ARHGAP21: variants seen among roughly 807,000 people sequenced by gnomAD.
The protein encoded by ARHGAP21 is Rho GTPase activating protein 21.
Under a neutral mutation model 164.6 loss-of-function variants are expected in ARHGAP21, and 38 were observed. The observed-to-expected ratio is 0.23, with a 90% CI of 0.18 to 0.30. The LOEUF (loss-of-function observed/expected upper bound fraction) is 0.30. Ranked by LOEUF, ARHGAP21 falls within the 10% of genes least tolerant of loss-of-function variation. The pLI, the probability that ARHGAP21 is intolerant of heterozygous loss-of-function variation, is 1.00. For synonymous variants in ARHGAP21, 766 were observed against 857.9 expected (o/e 0.89, Z 1.87); for missense variants, 1,822 against 2,370.7 (o/e 0.77, Z 4.81).
At chr10:24,677,809 T>A in intron 2 of ARHGAP21, among the ~76,000 whole-genome samples, 1 of 152,212 alleles carries the variant, frequency 6.6e-6, no homozygotes, top group African/African-American at 2.4e-5. Flanking sequence ...TCTTCCTTCA[T>A]TCAATCAATA....
chr10:24,609,145 C>G (rs926460372), intron 9 of ARHGAP21, among the ~76,000 whole-genome samples: 1 of 152,176 alleles, frequency 6.6e-6, no homozygotes, highest in Admixed American at 6.6e-5. Flanking sequence ...GTATCTGACT[C>G]ATGCAGTATG....
At chr10:24,652,915 T>C in intron 4 of ARHGAP21, among the ~76,000 whole-genome samples, 1 of 152,150 alleles carries the variant, frequency 6.6e-6, no homozygotes, top group Admixed American at 6.5e-5. Flanking sequence ...TAGATATACA[T>C]ACCCTCTAGA....
At chr10:24,685,786 G>A (rs186535589) in intron 2 of ARHGAP21, among the ~76,000 whole-genome samples, 1 of 152,188 alleles carries the variant, frequency 6.6e-6, no homozygotes, top group Admixed American at 6.5e-5. Context: ...TGAGGCAGGA[G>A]AATCGCTTGA....
chr10:24,699,346 G>A (rs1843442819), intron 2 of ARHGAP21, among the ~76,000 whole-genome samples: 1 of 151,522 alleles, frequency 6.6e-6, no homozygotes, highest in Admixed American at 6.6e-5. Context: ...ATTTTTTTGA[G>A]ATGGAGTCTC....
chr10:24,678,107 A>G (rs896725829), intron 2 of ARHGAP21, among the ~76,000 whole-genome samples: 1 of 149,276 alleles, frequency 6.7e-6, no homozygotes, highest in Non-Finnish European at 1.5e-5. Context: ...CACAAAAAGG[A>G]AAAAAAAAAG....
intron 20 of ARHGAP21, 37 bp downstream of exon 20, chr10:24,595,080 T>A: frequency 6.2e-7 from 1 of 1,607,160 alleles, no homozygotes; most frequent in Non-Finnish European, 8.5e-7. Flanking sequence ...GAGGCTGAAT[T>A]TTAGTTGTAT....
At chr10:24,650,059 G>C (rs1316700944) in intron 4 of ARHGAP21, among the ~76,000 whole-genome samples, 1 of 152,078 alleles carries the variant, frequency 6.6e-6, no homozygotes, top group Non-Finnish European at 1.5e-5. Context: ...AGAAAAACTA[G>C]AGAATTTAGT....
At chr10:24,660,502 T>C (rs1839570027) in intron 4 of ARHGAP21, among the ~76,000 whole-genome samples, 1 of 149,736 alleles carries the variant, frequency 6.7e-6, no homozygotes, top group Non-Finnish European at 1.5e-5. Flanking sequence ...ATTCTAAACA[T>C]GCTTCTGATA....
intron 2 of ARHGAP21, among the ~76,000 whole-genome samples, chr10:24,676,837 A>G (rs1841299026): frequency 6.6e-6 from 1 of 152,192 alleles, no homozygotes; most frequent in South Asian, 2.1e-4. Flanking sequence ...GAATAAATGC[A>G]CTTCTCCTAA....
intron 4 of ARHGAP21, among the ~76,000 whole-genome samples, chr10:24,660,886 A>G (rs1428704867): frequency 6.6e-6 from 1 of 152,098 alleles, no homozygotes; most frequent in Non-Finnish European, 1.5e-5. Context: ...GCTCATCAGT[A>G]TACCACAGGA....
At chr10:24,626,604 C>T (rs1835166812) in intron 7 of ARHGAP21, among the ~76,000 whole-genome samples, 1 of 152,118 alleles carries the variant, frequency 6.6e-6, no homozygotes, top group African/African-American at 2.4e-5. Context: ...TATAGGCCAT[C>T]CAGTCTAAGG....
chr10:24,631,097 G>A (rs560228570), intron 6 of ARHGAP21, among the ~76,000 whole-genome samples: 1 of 152,276 alleles, frequency 6.6e-6, no homozygotes, highest in East Asian at 1.9e-4. Flanking sequence ...ATATGGCAAA[G>A]GTGCCGGGCG....
Position 24,628,852 on chromosome 10 carries a change from T to C in ARHGAP21, c.495+1144A>G, listed in dbSNP as rs569975357. ...ATATATGTACATATATACACATACA[T>C]ATATATACACATATATACATACATA... On this transcript the variant is annotated intron_variant, in intron 7 of 25. Transcript: ENST00000396432. Among the ~76,000 whole-genome samples the C allele has an allele frequency of 1.3e-3, 172 of 135,730 alleles. 1 individual carries two copies. The highest frequency in any genetic ancestry group is 1.0e-3 in the Non-Finnish European group (65 of 64,750). The allele number at this position is 135,730 out of a possible 152,430, so 89.0% of individuals were successfully genotyped here. A position where few individuals can be genotyped will look rare whatever the true frequency, so the allele number is the denominator to read the frequency against.
At chr10:24,700,800 C>T (rs953815550) in intron 2 of ARHGAP21, among the ~76,000 whole-genome samples, 1 of 152,202 alleles carries the variant, frequency 6.6e-6, no homozygotes, top group Non-Finnish European at 1.5e-5. Flanking sequence ...TAACCTTTAA[C>T]TCTCTTTTGG....
chr10:24,658,134 C>T (rs1839270047), intron 4 of ARHGAP21, among the ~76,000 whole-genome samples: 1 of 151,796 alleles, frequency 6.6e-6, no homozygotes, highest in Non-Finnish European at 1.5e-5. Context: ...GATACCATCT[C>T]ACACCAGTTA....
chr10:24,656,065 C>T (rs74692551), intron 4 of ARHGAP21, among the ~76,000 whole-genome samples: 1 of 148,234 alleles, frequency 6.7e-6, no homozygotes, highest in African/African-American at 2.6e-5. Context: ...CGGCAGCTGC[C>T]CCGTCTAAGA....
At chr10:24,709,912 G>C (rs11594932) in intron 2 of ARHGAP21, among the ~76,000 whole-genome samples, 1 of 152,090 alleles carries the variant, frequency 6.6e-6, no homozygotes, top group African/African-American at 2.4e-5. Flanking sequence ...AGATAATCTA[G>C]ACACTCAATT....
chr10:24,692,143 T>C (rs894339561), intron 2 of ARHGAP21, among the ~76,000 whole-genome samples: 1 of 152,168 alleles, frequency 6.6e-6, no homozygotes, highest in Non-Finnish European at 1.5e-5. Context: ...TGAAGTCTAG[T>C]AGATGGAGAG....
intron 25 of ARHGAP21, among the ~76,000 whole-genome samples, chr10:24,588,315 A>G (rs1371264132): frequency 8.5e-6 from 1 of 118,198 alleles, no homozygotes; most frequent in Non-Finnish European, 2.1e-5. Context: ...CAAATGATTC[A>G]GAACAAAAGT....
Sources: gnomAD v4.1 joint callset for allele counts (sites outside exome capture counted in the v4.1 genomes callset) on GRCh38, gnomAD v4.1.1 for gene constraint, MANE v1.5 for transcripts, NCBI Gene and HGNC (gene_info 2026-07-23, HGNC 2026-07-21) for gene names.